ZBTB25: variants seen among roughly 807,000 people sequenced by gnomAD.
ZBTB25 encodes zinc finger and BTB domain containing 25.
In ZBTB25, 20 loss-of-function variants were observed where a neutral mutation model predicts 34.2. The observed-to-expected ratio is 0.58, with a 90% CI of 0.41 to 0.85. ZBTB25 has a LOEUF of 0.85. Ranked by LOEUF, ZBTB25 falls within the 40% of genes least tolerant of loss-of-function variation. The pLI is 0.00. For missense variants in ZBTB25, 437 were observed against 521.8 expected (o/e 0.84, Z 1.58); for synonymous variants, 175 against 186.4 (o/e 0.94, Z 0.50).
At chr14:64,494,269 T>A (rs2079190852) in intron 1 of ZBTB25, among the ~76,000 whole-genome samples, 1 of 152,160 alleles carries the variant, frequency 6.6e-6, no homozygotes, top group African/African-American at 2.4e-5. Context: ...ACCAAAAGAT[T>A]CCTGGTAACC....
intron 2 of ZBTB25, among the ~76,000 whole-genome samples, chr14:64,466,162 T>C (rs2078610902): frequency 6.6e-6 from 1 of 152,174 alleles, no homozygotes; most frequent in Non-Finnish European, 1.5e-5. Context: ...GACATGAGAC[T>C]TGCAATTCCA....
At chr14:64,492,529 G>A (rs1290150336) in intron 1 of ZBTB25, among the ~76,000 whole-genome samples, 2 of 151,496 alleles carry the variant, frequency 1.3e-5, no homozygotes, top group East Asian at 3.9e-4. Flanking sequence ...ATTTCAGCAT[G>A]TGAAAAACGT....
Position 64,482,916 on chromosome 14 carries a change from G to A in ZBTB25, c.*4007C>T, listed in dbSNP as rs1027716924. 2 of 152,032 alleles carry A rather than the reference G, an allele frequency of 1.3e-5. No homozygotes were observed. Among genetic ancestry groups the A allele is most frequent in the African/African-American group, 2.4e-5 (1 of 41,382 alleles). The allele number at this position is 152,032 out of a possible 1,614,324, so 9.4% of individuals were successfully genotyped here. ...TAAGTATTGCTTACACCCACTTTAC[G>A]GATGGGAAATCAGAAAGAGCAAGAA... is the stretch of plus-strand genomic sequence containing the variant. On this transcript the variant is annotated 3_prime_UTR_variant, in exon 3 of 3. Coordinates refer to ENST00000608382, the MANE Select transcript of ZBTB25 (RefSeq NM_006977.5).
At chr14:64,500,549 G>A (rs557826536) in intron 1 of ZBTB25, among the ~76,000 whole-genome samples, 21 of 149,588 alleles carry the variant, frequency 1.4e-4, no homozygotes, top group Non-Finnish European at 2.7e-4. Flanking sequence ...TATAATCCCA[G>A]CACTTTAGGA....
At chr14:64,498,973 G>A (rs749197539) in intron 1 of ZBTB25, among the ~76,000 whole-genome samples, 6 of 152,068 alleles carry the variant, frequency 3.9e-5, no homozygotes, top group African/African-American at 9.7e-5. Context: ...TGATTCTAAC[G>A]TGACTGCTCA....
rs1566597534 is a variant in ZBTB25, at chr14:64,487,022, G to A, written c.1209C>T (p.Ser403=). 6.2e-7 allele frequency: 1 copy of A among 1,614,120 alleles called. No homozygotes were observed. The highest frequency in any genetic ancestry group is 1.7e-5 in the Admixed American group (1 of 60,018). ...QPYCDSWSDV[S]LKSSRLSQEH... ...CTTGTGACAAGCGAGAACTTTTCAG[G>A]GAGACATCAGACCAGCTGTCACAGT... The change falls in exon 3 of 3, where the codon TCC becomes TCT. Residue 403 remains serine (S), a synonymous_variant. Transcript: ENST00000608382.
chr14:64,504,919 T>C, upstream of ZBTB25: 3 of 395,800 alleles, frequency 7.6e-6, no homozygotes, highest in Non-Finnish European at 8.9e-6. Flanking sequence ...CCCTAAAATC[T>C]CCGCAGCTCT....
intron 1 of ZBTB25, among the ~76,000 whole-genome samples, chr14:64,494,035 T>G (rs1369583459): frequency 6.6e-6 from 1 of 150,666 alleles, no homozygotes; most frequent in Non-Finnish European, 1.5e-5. Context: ...TAACCAAGTA[T>G]GAAAATAATA....
At chr14:64,493,713 T>G (rs932482181) in intron 1 of ZBTB25, among the ~76,000 whole-genome samples, 2 of 152,040 alleles carry the variant, frequency 1.3e-5, no homozygotes, top group Non-Finnish European at 2.9e-5. Context: ...ATTGGAAGAA[T>G]TCATCCATTC....
rs2141015049 is a variant in ZBTB25, at chr14:64,481,922, G to A, written c.*5001C>T. Reference sequence around the variant, plus strand: ...ATTACATTATGAAAATTCTTCACATGGCCCATTTTTACATCAATTACTACA... The same window carrying A: ...ATTACATTATGAAAATTCTTCACATAGCCCATTTTTACATCAATTACTACA... On this transcript the variant is annotated 3_prime_UTR_variant, in exon 3 of 3. Transcript: ENST00000608382. 6.6e-6 allele frequency: 1 copy of A among 151,840 alleles called. No homozygotes were observed. The highest frequency in any genetic ancestry group is 1.9e-4 in the East Asian group (1 of 5,190). The allele number at this position is 151,840 out of a possible 1,614,324, so 9.4% of individuals were successfully genotyped here. A position where few individuals can be genotyped will look rare whatever the true frequency, so the allele number is the denominator to read the frequency against.
At chr14:64,496,234 C>T (rs756940160) in intron 1 of ZBTB25, among the ~76,000 whole-genome samples, 2 of 152,042 alleles carry the variant, frequency 1.3e-5, no homozygotes, top group Non-Finnish European at 2.9e-5. Context: ...CCTGTAATCC[C>T]AGCACTTTGG....
chr14:64,476,368 T>G (rs1387787519), downstream of ZBTB25, among the ~76,000 whole-genome samples: 1 of 152,262 alleles, frequency 6.6e-6, no homozygotes, highest in Non-Finnish European at 1.5e-5. Flanking sequence ...TTCTGTTGCC[T>G]AGGCCGGAGT....
intron 1 of ZBTB25, among the ~76,000 whole-genome samples, chr14:64,501,549 T>C (rs1404421582): frequency 1.3e-5 from 2 of 152,248 alleles, no homozygotes; most frequent in Non-Finnish European, 2.9e-5. Context: ...TTATAACTTA[T>C]CAAGATAAGA....
intron 2 of ZBTB25, chr14:64,453,678 G>A: frequency 1.2e-6 from 1 of 846,744 alleles, no homozygotes; most frequent in Non-Finnish European, 2.0e-6. Context: ...CTCTGACCTA[G>A]AATGTGGCTA....
chr14:64,503,213 A>C, intron 1 of ZBTB25: 1 of 985,460 alleles, frequency 1.0e-6, no homozygotes, highest in Non-Finnish European at 1.2e-6. Context: ...TTGCCCTAGA[A>C]ACGAGGTAAT....
At chr14:64,451,793 G>A (rs1200681565) in intron 2 of ZBTB25, among the ~76,000 whole-genome samples, 1 of 152,180 alleles carries the variant, frequency 6.6e-6, no homozygotes, top group African/African-American at 2.4e-5. Flanking sequence ...CAACCAAAGT[G>A]CTTTTGCTTC....
rs1207947552 is a variant in ZBTB25, at chr14:64,484,959, ATTTGT to A, written c.*1959_*1963del. 5 of 973,572 alleles carry A rather than the reference ATTTGT, an allele frequency of 5.1e-6. No homozygotes were observed. In the South Asian group the frequency reaches 1.9e-4, roughly 37 times the overall value. The allele number at this position is 973,572 out of a possible 1,614,324, so 60.3% of individuals were successfully genotyped here. On this transcript the variant is annotated 3_prime_UTR_variant, in exon 3 of 3. Coordinates refer to ENST00000608382, the MANE Select transcript of ZBTB25 (RefSeq NM_006977.5). ...AAAGTTCTGACCCCAAAGAACATAC[ATTTGT>A]TTTAATTACTCCCAATACAATTGAT...
At chr14:64,451,104 C>T (rs901998213) in intron 2 of ZBTB25, among the ~76,000 whole-genome samples, 5 of 151,980 alleles carry the variant, frequency 3.3e-5, no homozygotes, top group South Asian at 2.1e-4. Context: ...GGGAGGCGGA[C>T]GTTGCAATGA....
chr14:64,504,717 G>A, upstream of ZBTB25: 1 of 372,848 alleles, frequency 2.7e-6, no homozygotes, highest in East Asian at 3.8e-5. Context: ...GCGTAAGCGG[G>A]GCCGGCTCAG....
Sources: allele counts gnomAD v4.1 joint callset (sites outside exome capture counted in the v4.1 genomes callset), GRCh38; gene constraint gnomAD v4.1.1; transcripts MANE v1.5; gene names NCBI Gene and HGNC (gene_info 2026-07-23, HGNC 2026-07-21).